The following JPH2 variants were observed in gnomAD, a reference collection of about 807,000 sequenced individuals.
The protein encoded by JPH2 is junctophilin 2.
In JPH2, 38 loss-of-function variants were observed where a neutral mutation model predicts 55.9. The ratio of observed to expected loss-of-function variants is 0.68; its 90% CI spans 0.52 to 0.89. JPH2 has a LOEUF of 0.89. JPH2 is among the 40% of genes least tolerant of loss of function. JPH2 has a pLI of 0.00. For missense variants in JPH2, 964 were observed against 1,037.6 expected (o/e 0.93, Z 0.97); for synonymous variants, 480 against 472.4 (o/e 1.02, Z -0.21).
intron 3 of JPH2, 119 bp from the exon 4 acceptor site, chr20:44,116,505 T>C: frequency 8.8e-7 from 1 of 1,139,472 alleles, no homozygotes. Context: ...CACATAGCAC[T>C]GACCAAGTGC....
Position 44,186,980 on chromosome 20 carries a change from G to T in JPH2, c.-275C>A, listed in dbSNP as rs900991737. On this transcript the variant is annotated 5_prime_UTR_variant, in exon 1 of 6. Coordinates refer to ENST00000372980, the MANE Select transcript of JPH2 (RefSeq NM_020433.5). ...AGAAAGCAGGAAGGAAAGGTTCAAA[G>T]TCCCCACAAAGCGTCCCAAGTCTGC... 2 of 555,438 alleles carry T rather than the reference G, an allele frequency of 3.6e-6. No homozygotes were observed. Among genetic ancestry groups the T allele is most frequent in the South Asian group, 2.2e-5 (1 of 45,484 alleles). 34.4% of individuals were successfully genotyped at this position (555,438 alleles called of 1,614,324 possible).
At chr20:44,122,235 C>T (rs2038166) in intron 2 of JPH2, among the ~76,000 whole-genome samples, 105,635 of 151,994 alleles carry the variant, frequency 0.69, 36,792 homozygotes, top group Admixed American at 0.75. Flanking sequence ...GCTGAAGGCA[C>T]GCATGCAGGC....
intron 2 of JPH2, among the ~76,000 whole-genome samples, chr20:44,157,967 C>T (rs2072577652): frequency 6.6e-6 from 1 of 152,112 alleles, no homozygotes; most frequent in Non-Finnish European, 1.5e-5. Flanking sequence ...AAAGGGGTAC[C>T]CCACTGCTGC....
chr20:44,110,718 C>A lies in JPH2; in HGVS notation c.*2800G>T, dbSNP rs1402984732. Among the ~76,000 whole-genome samples the A allele has an allele frequency of 6.6e-6, 1 of 152,214 alleles. No homozygotes were observed. The highest frequency in any genetic ancestry group is 2.1e-4 in the South Asian group (1 of 4,830). On this transcript the variant is annotated 3_prime_UTR_variant, in exon 6 of 6. Transcript: ENST00000372980. ...AACGTGCTGGAATTATAGGTGTGAGCCACCATGCCCAGCTTAAAACCTCTT... is the reference window on the plus strand; with the variant it reads ...AACGTGCTGGAATTATAGGTGTGAGACACCATGCCCAGCTTAAAACCTCTT...
At chr20:44,135,583 CTG>C (rs1287393223) in intron 2 of JPH2, among the ~76,000 whole-genome samples, 2 of 152,220 alleles carry the variant, frequency 1.3e-5, no homozygotes, top group African/African-American at 4.8e-5. Context: ...TCTGATTAGT[CTG>C]TGAGTCCCAC....
At chr20:44,153,132 C>T (rs1260620730) in intron 2 of JPH2, among the ~76,000 whole-genome samples, 2 of 152,170 alleles carry the variant, frequency 1.3e-5, no homozygotes, top group African/African-American at 4.8e-5. Flanking sequence ...GTTGTAGGGA[C>T]TGAGAGAGAA....
chr20:44,179,702 T>C (rs1248897894), intron 1 of JPH2, among the ~76,000 whole-genome samples: 2 of 152,248 alleles, frequency 1.3e-5, no homozygotes, highest in African/African-American at 4.8e-5. Flanking sequence ...TCACGAATTA[T>C]GAAGCATGTC....
intron 2 of JPH2, among the ~76,000 whole-genome samples, chr20:44,150,157 C>G (rs1268301140): frequency 6.6e-6 from 1 of 151,730 alleles, no homozygotes. Flanking sequence ...TTAAACAGCA[C>G]CATAAGGAAT....
chr20:44,124,966 G>A (rs1460799471), intron 2 of JPH2, among the ~76,000 whole-genome samples: 5 of 149,122 alleles, frequency 3.4e-5, no homozygotes, highest in African/African-American at 1.0e-4. Flanking sequence ...AAAATCAGCT[G>A]GGCACGGTGG....
chr20:44,168,059 T>G (rs2072670260), intron 1 of JPH2, among the ~76,000 whole-genome samples: 1 of 152,072 alleles, frequency 6.6e-6, no homozygotes, highest in African/African-American at 2.4e-5. Context: ...AAATAAACTG[T>G]GTGTGAGGCA....
Position 44,160,132 on chromosome 20 carries a change from C to T in JPH2, c.655G>A (p.Gly219Ser), listed in dbSNP as rs1251565277. The change falls in exon 2 of 6, where the codon GGC becomes AGC. Residue 219 changes from glycine (G) to serine (S), a missense_variant. By Grantham distance (56) the Gly-to-Ser change is moderately conservative (BLOSUM62 0). Coordinates refer to ENST00000372980, the MANE Select transcript of JPH2 (RefSeq NM_020433.5). This position sits in a 1 kb window ranked among gnomAD's most constrained non-coding sequence, Gnocchi z 4.9. ...EAAARAPKGG[G>S]LFQRGALLGK... is the part of the protein sequence containing the mutation. ...AGCAGCGCGCCCCGCTGGAAGAGGC[C>T]GCCGCCCTTGGGCGCCCGCGCGGCC... The T allele has an allele frequency of 2.7e-6, 4 of 1,482,276 alleles. No homozygotes were observed. The highest frequency in any genetic ancestry group is 3.6e-6 in the Non-Finnish European group (4 of 1,124,252). The allele number at this position is 1,482,276 out of a possible 1,614,324, so 91.8% of individuals were successfully genotyped here.
intron 2 of JPH2, among the ~76,000 whole-genome samples, chr20:44,138,009 C>CTTTTTTTTT (rs556691395): frequency 3.6e-5 from 5 of 140,774 alleles, no homozygotes; most frequent in African/African-American, 1.3e-4. Context: ...TTAAAAAGAC[C>CTTTTTTTTT]TTTTTTTTTT....
In JPH2 at chr20:44,112,981, A is replaced by T. The variant is rs549188803; in HGVS notation, c.*537T>A. ...CATCTACAGGCAAGGGAGGGAGTGC[A>T]GGGTGCAGACTGCACAAGGACAGGT... On this transcript the variant is annotated 3_prime_UTR_variant, in exon 6 of 6. Transcript: ENST00000372980. 47 of 152,504 alleles carry T rather than the reference A, an allele frequency of 3.1e-4. No individual in the cohort carries two copies. The highest frequency in any genetic ancestry group is 1.1e-3 in the African/African-American group (47 of 41,574). 9.4% of individuals were successfully genotyped at this position (152,504 alleles called of 1,614,324 possible).
At chr20:44,167,667 G>A (rs1449021508) in intron 1 of JPH2, among the ~76,000 whole-genome samples, 2 of 152,190 alleles carry the variant, frequency 1.3e-5, no homozygotes, top group Non-Finnish European at 2.9e-5. Context: ...CTTCTGGTGA[G>A]TATAGAATAA....
Position 44,118,140 on chromosome 20 carries a change from T to G in JPH2, c.1288+365A>C, listed in dbSNP as rs2072207379. ...AGAGCCTGGTACAGTGCCTGACACA[T>G]GGACAGTGCTCAATGCTTGACTGAA... is the stretch of plus-strand genomic sequence containing the variant. On this transcript the variant is annotated intron_variant, in intron 3 of 5. Coordinates refer to ENST00000372980, the MANE Select transcript of JPH2 (RefSeq NM_020433.5). 2.0e-5 allele frequency among the ~76,000 whole-genome samples: 3 copies of G among 152,190 alleles called. No individual in the cohort carries two copies. The South Asian group carries it at 6.2e-4, about 32-fold the overall frequency.
chr20:44,142,117 G>C (rs1474160880), intron 2 of JPH2, among the ~76,000 whole-genome samples: 1 of 152,156 alleles, frequency 6.6e-6, no homozygotes, highest in Non-Finnish European at 1.5e-5. Context: ...TGGGAGGTGA[G>C]GAAAGGCCCC....
Position 44,159,710 on chromosome 20 carries a change from G to A in JPH2, c.1077C>T (p.Ser359=). 2 of 1,613,436 alleles carry A rather than the reference G, an allele frequency of 1.2e-6. No homozygotes were observed. Among genetic ancestry groups the A allele is most frequent in the Non-Finnish European group, 1.7e-6 (2 of 1,179,964 alleles). ...GCTCCACTTTCTGGCGGACCTTGTT[G>A]CTCTTGAGCTGCAGCATGCGGCGCT... ...DTKRRMLQLK[S]NKVRQKVEHS... is the part of the protein sequence containing the mutation. The change falls in exon 2 of 6, where the codon AGC becomes AGT. Residue 359 remains serine, a synonymous_variant. Transcript: ENST00000372980. This position sits in a 1 kb window ranked among gnomAD's most constrained non-coding sequence, Gnocchi z 5.7.
intron 1 of JPH2, among the ~76,000 whole-genome samples, chr20:44,170,470 G>A (rs1244102595): frequency 6.6e-6 from 1 of 152,212 alleles, no homozygotes; most frequent in African/African-American, 2.4e-5. Context: ...GTTTAAGATG[G>A]AGCATGGCAG....
chr20:44,139,037 T>C (rs1277946463), intron 2 of JPH2, among the ~76,000 whole-genome samples: 1 of 152,122 alleles, frequency 6.6e-6, no homozygotes, highest in Admixed American at 6.5e-5. Context: ...TGGGCTGCCC[T>C]GGACTCCCTC....
Sources: allele counts gnomAD v4.1 joint callset (sites outside exome capture counted in the v4.1 genomes callset), GRCh38; gene constraint gnomAD v4.1.1; non-coding constraint Gnocchi (gnomAD v3.1); transcripts MANE v1.5; gene names NCBI Gene and HGNC (gene_info 2026-07-23, HGNC 2026-07-21).